The following DLGAP1 variants were observed in gnomAD, a reference collection of about 807,000 sequenced individuals.
DLGAP1 encodes the protein DLG associated protein 1, also known as disks large-associated protein 1.
Under a neutral mutation model 90.8 loss-of-function variants are expected in DLGAP1, and 11 were observed. The observed-to-expected ratio is 0.12, with a 90% confidence interval of 0.08 to 0.20. The LOEUF (loss-of-function observed/expected upper bound fraction) is 0.20. DLGAP1 is among the 10% of genes least tolerant of loss of function. The pLI is 1.00. For synonymous variants in DLGAP1, 558 were observed against 540.7 expected (o/e 1.03, Z -0.44); for missense variants, 1,050 against 1,333.8 (o/e 0.79, Z 3.31).
intron 1 of DLGAP1, among the ~76,000 whole-genome samples, chr18:4,396,607 T>C (rs1273304203): frequency 6.6e-6 from 1 of 152,144 alleles, no homozygotes; most frequent in African/African-American, 2.4e-5. Context: ...GGAAGCCACA[T>C]GTTCTTCCCT....
At chr18:4,000,555 T>C (rs1407477113) in intron 3 of DLGAP1, among the ~76,000 whole-genome samples, 2 of 152,224 alleles carry the variant, frequency 1.3e-5, no homozygotes, top group Non-Finnish European at 2.9e-5. Context: ...TCTCTAGTCA[T>C]ATTGGTTTTC....
intron 6 of DLGAP1, among the ~76,000 whole-genome samples, chr18:3,733,077 T>C (rs542580145): frequency 6.6e-6 from 1 of 152,298 alleles, no homozygotes; most frequent in Non-Finnish European, 1.5e-5. Context: ...CTTTAACCCA[T>C]AGTATATGCA....
In DLGAP1 at chr18:3,496,273, T is replaced by G. The variant is rs571599274; in HGVS notation, c.*2912A>C. On this transcript the variant is annotated 3_prime_UTR_variant, in exon 13 of 13. Transcript: ENST00000315677. ...AATTCAGATATGCTAGTGATTTACA[T>G]TCCAGTTATTTAAAATATGCATCTA... 7.2e-5 allele frequency: 11 copies of G among 152,308 alleles called. No individual in the cohort carries two copies. The South Asian group carries it at 2.3e-3, about 32-fold the overall frequency. 9.4% of individuals were successfully genotyped at this position (152,308 alleles called of 1,614,324 possible). A position where few individuals can be genotyped will look rare whatever the true frequency, so the allele number is the denominator to read the frequency against.
chr18:3,604,512 C>G (rs1482812029), intron 7 of DLGAP1: 1 of 152,006 alleles, frequency 6.6e-6, no homozygotes, highest in Non-Finnish European at 1.5e-5. Context: ...GTGGTGATAC[C>G]TTTACCCTCC....
At chr18:3,802,009 G>A (rs2066320811) in intron 5 of DLGAP1, among the ~76,000 whole-genome samples, 1 of 151,186 alleles carries the variant, frequency 6.6e-6, no homozygotes, top group Non-Finnish European at 1.5e-5. Context: ...TTTTGAGATG[G>A]AGTCTTGCTC....
chr18:3,834,805 T>TA (rs2068276312), intron 4 of DLGAP1, among the ~76,000 whole-genome samples: 1 of 152,172 alleles, frequency 6.6e-6, no homozygotes, highest in African/African-American at 2.4e-5. Context: ...TAACTTTTAT[T>TA]AAAAAATGAA....
At chr18:3,585,536 T>A (rs1436079693) in intron 7 of DLGAP1, among the ~76,000 whole-genome samples, 1 of 152,254 alleles carries the variant, frequency 6.6e-6, no homozygotes, top group East Asian at 1.9e-4. Flanking sequence ...TTCCGCCCAC[T>A]GATATTTCAA....
chr18:3,742,047 T>C (rs908973439), intron 6 of DLGAP1, among the ~76,000 whole-genome samples: 1 of 152,134 alleles, frequency 6.6e-6, no homozygotes, highest in African/African-American at 2.4e-5. Flanking sequence ...TTCACCATGT[T>C]GGCCAGGCTG....
chr18:4,371,982 G>A lies in DLGAP1; in HGVS notation c.-267+83024C>T, dbSNP rs117747357. 9.1e-3 allele frequency among the ~76,000 whole-genome samples: 1,379 copies of A among 152,290 alleles called. 17 individuals carry two copies. Among genetic ancestry groups the A allele is most frequent in the Non-Finnish European group, 0.013 (877 of 68,022 alleles). Reference sequence around the variant, plus strand: ...ATATTAAGACCAGGCTGCTGTTCTTGGGTAGAGAAAATCATCTCTTCCTTT... The same window carrying A: ...ATATTAAGACCAGGCTGCTGTTCTTAGGTAGAGAAAATCATCTCTTCCTTT... On this transcript the variant is annotated intron_variant, in intron 1 of 12. Coordinates refer to ENST00000315677, the MANE Select transcript of DLGAP1 (RefSeq NM_004746.4).
chr18:3,849,066 C>T (rs1460923712), intron 4 of DLGAP1, among the ~76,000 whole-genome samples: 2 of 152,190 alleles, frequency 1.3e-5, no homozygotes, highest in Non-Finnish European at 2.9e-5. Context: ...TTCTTTCTGC[C>T]TTTGCAAACG....
intron 2 of DLGAP1, among the ~76,000 whole-genome samples, chr18:4,063,022 C>T (rs2075320281): frequency 6.6e-6 from 1 of 152,024 alleles, no homozygotes; most frequent in Non-Finnish European, 1.5e-5. Flanking sequence ...AAACATCATC[C>T]AGGTGTATTA....
chr18:4,158,577 C>T (rs2076794669), intron 1 of DLGAP1, among the ~76,000 whole-genome samples: 1 of 152,164 alleles, frequency 6.6e-6, no homozygotes, highest in South Asian at 2.1e-4. Context: ...CCTAGTACAA[C>T]TGCAAACTGA....
intron 2 of DLGAP1, among the ~76,000 whole-genome samples, chr18:4,142,066 G>C (rs1365197001): frequency 6.6e-6 from 1 of 152,052 alleles, no homozygotes; most frequent in Admixed American, 6.5e-5. Flanking sequence ...GAAGAATTAA[G>C]TACTTATTGT....
intron 1 of DLGAP1, among the ~76,000 whole-genome samples, chr18:4,351,893 G>A (rs2081410236): frequency 6.6e-6 from 1 of 152,150 alleles, no homozygotes; most frequent in Non-Finnish European, 1.5e-5. Flanking sequence ...ACACTCAAAT[G>A]TGTTTTTTTC....
At chr18:4,018,328 A>C (rs1020090098) in intron 2 of DLGAP1, among the ~76,000 whole-genome samples, 1 of 152,210 alleles carries the variant, frequency 6.6e-6, no homozygotes, top group African/African-American at 2.4e-5. Context: ...AGTGGGGATG[A>C]GTCTTTGTAT....
intron 1 of DLGAP1, among the ~76,000 whole-genome samples, chr18:4,169,781 C>G (rs113990672): frequency 0.01 from 1,537 of 152,314 alleles, 26 homozygotes; most frequent in African/African-American, 0.03. Flanking sequence ...CTGTGTTTCT[C>G]TTCTTCATAG....
chr18:3,867,980 G>C (rs1295218586), intron 4 of DLGAP1, among the ~76,000 whole-genome samples: 1 of 152,138 alleles, frequency 6.6e-6, no homozygotes, highest in Non-Finnish European at 1.5e-5. Context: ...TCGGCCTGTG[G>C]ATTTGATTTT....
chr18:3,549,514 G>C (rs1327405022), intron 9 of DLGAP1, among the ~76,000 whole-genome samples: 2 of 152,042 alleles, frequency 1.3e-5, no homozygotes, highest in Non-Finnish European at 2.9e-5. Flanking sequence ...TGTATTTTTA[G>C]TAGAGACAGG....
chr18:3,950,314 T>C (rs1227177929), intron 3 of DLGAP1, among the ~76,000 whole-genome samples: 1 of 152,238 alleles, frequency 6.6e-6, no homozygotes, highest in Non-Finnish European at 1.5e-5. Context: ...TTTTCTCTCC[T>C]ACCTGGTTAA....
Sources: gnomAD v4.1 joint callset for allele counts (sites outside exome capture counted in the v4.1 genomes callset) on GRCh38, gnomAD v4.1.1 for gene constraint, MANE v1.5 for transcripts, NCBI Gene and HGNC (gene_info 2026-07-23, HGNC 2026-07-21) for gene names.